The following SIN3B variants were observed in gnomAD, a reference collection of about 807,000 sequenced individuals.
The protein encoded by SIN3B is SIN3 transcription regulator family member B.
SIN3B carries 19 observed loss-of-function variants against 120.2 expected under a neutral mutation model. The ratio of observed to expected loss-of-function variants is 0.16; its 90% CI spans 0.11 to 0.23. The LOEUF (loss-of-function observed/expected upper bound fraction) is 0.23, where lower values mean the gene tolerates loss of function less well. SIN3B is among the 10% of genes least tolerant of loss of function. The pLI, the probability that SIN3B is intolerant of heterozygous loss-of-function variation, is 1.00. For synonymous variants in SIN3B, 654 were observed against 653.2 expected (o/e 1.00, Z -0.02); for missense variants, 1,073 against 1,573.0 (o/e 0.68, Z 5.38).
rs2051480045 is a variant in SIN3B at position 16,869,652 on chromosome 19, T to C, written c.1999T>C (p.Phe667Leu). ...GCTGCACCAGTTCGTGCCCAGCCTC[T>C]TCTTCTCTCAGCAGCTGGACCTGGG... Reference protein sequence around the residue: ...QLLHQFVPSLFFSQQLDLGAS... With the variant: ...QLLHQFVPSLLFSQQLDLGAS... The change falls in exon 13 of 19, where the codon TTC becomes CTC. Residue 667 changes from phenylalanine to leucine, a missense_variant. Coordinates refer to ENST00000248054, the MANE Select transcript of SIN3B (RefSeq NM_001297595.2). 5 of 1,613,558 alleles carry C rather than the reference T, an allele frequency of 3.1e-6. No homozygotes were observed. Among genetic ancestry groups the C allele is most frequent in the Non-Finnish European group, 3.4e-6 (4 of 1,179,974 alleles).
intron 12 of SIN3B, 76 bp from the exon 13 acceptor site, chr19:16,869,384 C>T (rs536435025): frequency 2.7e-4 from 403 of 1,482,338 alleles, no homozygotes; most frequent in African/African-American, 4.3e-4. Flanking sequence ...CAGTTAACAG[C>T]GAGTCGTGAA....
At chr19:16,830,920 A>G (rs1971270282) in intron 2 of SIN3B, among the ~76,000 whole-genome samples, 1 of 152,192 alleles carries the variant, frequency 6.6e-6, no homozygotes, top group Non-Finnish European at 1.5e-5. Flanking sequence ...TGACATTTTC[A>G]GAACCGAGTA....
chr19:16,876,838 A>C lies in SIN3B; in HGVS notation c.2859+260A>C. 1 of 416,042 alleles carries C rather than the reference A, an allele frequency of 2.4e-6. No homozygotes were observed. Among genetic ancestry groups the C allele is most frequent in the Non-Finnish European group, 4.3e-6 (1 of 230,770 alleles). 25.8% of individuals were successfully genotyped at this position (416,042 alleles called of 1,614,324 possible). A position where few individuals can be genotyped will look rare whatever the true frequency, so the allele number is the denominator to read the frequency against. On this transcript the variant is annotated intron_variant, in intron 16 of 18. Coordinates refer to ENST00000248054, the MANE Select transcript of SIN3B (RefSeq NM_001297595.2). The surrounding 1 kb of genome is among the most constrained non-coding windows in gnomAD (Gnocchi z 7.1). ...GTGTCCCAGGGCAGGAGGGGAACCA[A>C]GCCACCTCTCCCTGGCCCCCGACTC... is the stretch of plus-strand genomic sequence containing the variant.
chr19:16,840,815 G>A (rs931045984), intron 3 of SIN3B, among the ~76,000 whole-genome samples: 2 of 152,320 alleles, frequency 1.3e-5, no homozygotes, highest in Admixed American at 1.3e-4. Context: ...CGTGGAGTTC[G>A]CCATCTAGTC....
chr19:16,875,831 T>G, intron 14 of SIN3B: 2 of 569,990 alleles, frequency 3.5e-6, no homozygotes, highest in South Asian at 2.2e-5. Flanking sequence ...GTCTGTTTGG[T>G]TTGGTCTGGT....
intron 3 of SIN3B, among the ~76,000 whole-genome samples, chr19:16,841,447 C>G (rs1971415942): frequency 6.6e-6 from 1 of 152,206 alleles, no homozygotes; most frequent in South Asian, 2.1e-4. Flanking sequence ...CAGCCCAGCA[C>G]TTGGCACCAC....
Position 16,851,445 on chromosome 19 carries a change from G to C in SIN3B, c.760G>C (p.Val254Leu), listed in dbSNP as rs372704525. Residue 254 changes from valine (V) to leucine (L), a missense_variant, in exon 6 of 19, where the codon GTG (valine) becomes CTG (leucine). By Grantham distance (32) the Val-to-Leu change is conservative. Transcript: ENST00000248054. ...AAACGGGCCGTGCGAGATGCACAGCGTGCAGAAGAACGAGCACGACAAGAC... is the reference window on the plus strand; with the variant it reads ...AAACGGGCCGTGCGAGATGCACAGCCTGCAGAAGAACGAGCACGACAAGAC... ...TGNGPCEMHS[V>L]QKNEHDKTPE... 14 of 1,609,076 alleles carry C rather than the reference G, an allele frequency of 8.7e-6. No homozygotes were observed. Among genetic ancestry groups the C allele is most frequent in the Non-Finnish European group, 1.2e-5 (14 of 1,178,038 alleles).
chr19:16,865,809 T>G (rs989642890), intron 11 of SIN3B, among the ~76,000 whole-genome samples, 161 bp downstream of exon 11: 2 of 151,818 alleles, frequency 1.3e-5, no homozygotes, highest in African/African-American at 4.8e-5. Context: ...TAAGGGTGCC[T>G]TCCTGTATTT....
Position 16,866,553 on chromosome 19 carries a change from C to A in SIN3B, c.1803C>A (p.Asp601Glu). 1 of 1,613,588 alleles carries A rather than the reference C, an allele frequency of 6.2e-7. No individual in the cohort carries two copies. The highest frequency in any genetic ancestry group is 8.5e-7 in the Non-Finnish European group (1 of 1,179,948). The change falls in exon 12 of 19, where the codon GAC becomes GAA. Residue 601 changes from aspartate (D) to glutamate (E), a missense_variant. By Grantham distance (45) the Asp-to-Glu change is conservative. Around this residue, in one of 7 missense-constraint regions of SIN3B, gnomAD observed 169 missense variants for 207.3 expected, o/e 0.82. Transcript: ENST00000248054. Reference protein sequence around the residue: ...SLLNEIESVYDEHQEQHSEGR... With the variant: ...SLLNEIESVYEEHQEQHSEGR... ...TCAACGAGATCGAGAGCGTCTACGA[C>A]GAGGTAAAGCCTTCCCTAGCCCTGC...
chr19:16,870,374 A>G (rs7254641), intron 13 of SIN3B, among the ~76,000 whole-genome samples: 97,355 of 149,328 alleles, frequency 0.65, 32,378 homozygotes, highest in African/African-American at 0.79. Flanking sequence ...GCTCCACAGT[A>G]CCCTTTTTCT....
chr19:16,878,768 A>T lies in SIN3B; in HGVS notation c.*41A>T, dbSNP rs2051649736. The stretch of plus-strand genomic sequence containing the variant: ...ACCGGGCAGGCGCCTCACAGAGCAC[A>T]GACGTGCCCTCGGCCTTGGTCGTGT... On this transcript the variant is annotated 3_prime_UTR_variant, in exon 19 of 19. Transcript: ENST00000248054. The T allele has an allele frequency of 2.0e-6, 3 of 1,520,212 alleles. No individual in the cohort carries two copies. Among genetic ancestry groups the T allele is most frequent in the Non-Finnish European group, 2.7e-6 (3 of 1,127,982 alleles). 94.2% of individuals were successfully genotyped at this position (1,520,212 alleles called of 1,614,324 possible).
chr19:16,848,365 A>G (rs1299745188), intron 5 of SIN3B, among the ~76,000 whole-genome samples: 2 of 148,224 alleles, frequency 1.3e-5, no homozygotes, highest in Non-Finnish European at 3.0e-5. Context: ...TTACATTCCT[A>G]TCAGCAATGG....
intron 13 of SIN3B, among the ~76,000 whole-genome samples, chr19:16,870,701 C>T (rs1235818800): frequency 7.4e-6 from 1 of 134,888 alleles, no homozygotes; most frequent in Non-Finnish European, 1.6e-5. Context: ...CAGGCACCCA[C>T]CACCATGTCC....
chr19:16,870,083 T>C lies in SIN3B; in HGVS notation c.2422+8T>C, dbSNP rs755621317. 6.3e-7 allele frequency: 1 copy of C among 1,579,606 alleles called. No individual in the cohort carries two copies. The highest frequency in any genetic ancestry group is 1.1e-5 in the South Asian group (1 of 88,316). Reference sequence around the variant, plus strand: ...TGCGGCTGAAGCAGCCCAGTAAGGCTCCAAAGCCTGCCGGGAGGCCCCGGG... The same window carrying C: ...TGCGGCTGAAGCAGCCCAGTAAGGCCCCAAAGCCTGCCGGGAGGCCCCGGG... On this transcript the variant is annotated splice_region_variant and intron_variant, in intron 13 of 18. Coordinates refer to ENST00000248054, the MANE Select transcript of SIN3B (RefSeq NM_001297595.2).
rs1031208438 is a variant in SIN3B at position 16,847,429 on chromosome 19, G to A, written c.726+316G>A. ...CCACCTCCTGTGTCTGCCCTGCAGA[G>A]CCCCACCCTGCCTGGGACCCCAGCC... On this transcript the variant is annotated intron_variant, in intron 5 of 18. Transcript: ENST00000248054. Among the ~76,000 whole-genome samples the A allele has an allele frequency of 2.0e-5, 3 of 152,362 alleles. No homozygotes were observed. The East Asian group carries it at 5.8e-4, about 29-fold the overall frequency.
At chr19:16,841,201 G>A (rs1220972958) in intron 3 of SIN3B, among the ~76,000 whole-genome samples, 3 of 152,110 alleles carry the variant, frequency 2.0e-5, no homozygotes, top group Non-Finnish European at 4.4e-5. Flanking sequence ...TTCAGGGCCT[G>A]TCTTTTCTCC....
chr19:16,830,970 G>A (rs941602333), intron 2 of SIN3B, among the ~76,000 whole-genome samples: 1 of 152,092 alleles, frequency 6.6e-6, no homozygotes, highest in Non-Finnish European at 1.5e-5. Flanking sequence ...AGCGATGTCA[G>A]TATTCTCTGG....
intron 5 of SIN3B, among the ~76,000 whole-genome samples, chr19:16,850,206 A>G (rs776603095): frequency 3.3e-5 from 5 of 152,100 alleles, no homozygotes; most frequent in Non-Finnish European, 7.4e-5. Flanking sequence ...CTTTATTATT[A>G]TTATGGTAAA....
intron 16 of SIN3B, 40 bp from the exon 17 acceptor site, chr19:16,877,505 C>A: frequency 6.9e-7 from 1 of 1,448,722 alleles, no homozygotes; most frequent in Non-Finnish European, 9.6e-7. Flanking sequence ...CATAGCCCTG[C>A]TGTAGGGGCA....
Sources: gnomAD v4.1 joint callset for allele counts (sites outside exome capture counted in the v4.1 genomes callset) on GRCh38, gnomAD v4.1.1 for gene constraint, gnomAD v4.1.1 regional missense constraint, Gnocchi (gnomAD v3.1) non-coding constraint, MANE v1.5 for transcripts, NCBI Gene and HGNC (gene_info 2026-07-23, HGNC 2026-07-21) for gene names.